RPSA2: variants seen among roughly 807,000 people sequenced by gnomAD.
RPSA2 encodes small ribosomal subunit protein uS2B.
the RPSA2 span, among the ~76,000 whole-genome samples, chr19:23,852,987 G>T: frequency 6.6e-6 from 1 of 152,128 alleles, no homozygotes; most frequent in African/African-American, 2.4e-5. Context: ...TCAATTCTTT[G>T]TCAGTGGGGT....
chr19:23,839,418 T>C, the RPSA2 span, among the ~76,000 whole-genome samples: 1 of 152,098 alleles, frequency 6.6e-6, no homozygotes, highest in Non-Finnish European at 1.5e-5. Flanking sequence ...CTCACTCAGC[T>C]CCAGTGGAAA....
chr19:23,847,465 C>T, the RPSA2 span, among the ~76,000 whole-genome samples: 1 of 152,042 alleles, frequency 6.6e-6, no homozygotes, highest in Middle Eastern at 3.2e-3. Context: ...ATCGGTAGGA[C>T]CATGATGCCC....
At chr19:23,764,080 T>G in the RPSA2 span, among the ~76,000 whole-genome samples, 1 of 152,154 alleles carries the variant, frequency 6.6e-6, no homozygotes, top group African/African-American at 2.4e-5. Context: ...TAGTAATCTA[T>G]AAGATATAAA....
the RPSA2 span, among the ~76,000 whole-genome samples, chr19:23,789,935 T>C: frequency 0.98 from 148,896 of 152,234 alleles, 72,909 homozygotes; most frequent in Middle Eastern, 1. Flanking sequence ...GCCTCAGGCT[T>C]GGAAAGTGCT....
At chr19:23,803,322 G>A in the RPSA2 span, among the ~76,000 whole-genome samples, 2 of 152,060 alleles carry the variant, frequency 1.3e-5, no homozygotes, top group Non-Finnish European at 2.9e-5. Flanking sequence ...CTTTTTTAGG[G>A]TTGGTGCTCA....
At chr19:23,814,459 C>T in the RPSA2 span, among the ~76,000 whole-genome samples, 570 of 152,124 alleles carry the variant, frequency 3.7e-3, 4 homozygotes, top group African/African-American at 0.013. Flanking sequence ...GTTTATCTGT[C>T]TTTTTGTCAG....
the RPSA2 span, among the ~76,000 whole-genome samples, chr19:23,762,169 G>A: frequency 6.7e-6 from 1 of 150,260 alleles, no homozygotes; most frequent in Non-Finnish European, 1.5e-5. Context: ...GCCCACCTCA[G>A]CCTCCCAAAG....
At chr19:23,851,612 G>A in the RPSA2 span, among the ~76,000 whole-genome samples, 5 of 152,100 alleles carry the variant, frequency 3.3e-5, no homozygotes, top group African/African-American at 1.2e-4. Flanking sequence ...ATATTTAAAG[G>A]TTTGGGGAAA....
the RPSA2 span, among the ~76,000 whole-genome samples, chr19:23,862,529 C>G: frequency 2.6e-5 from 4 of 151,826 alleles, no homozygotes; most frequent in African/African-American, 9.7e-5. Flanking sequence ...ATAGATAGCT[C>G]TTATTATTTT....
chr19:23,856,375 A>G, the RPSA2 span, among the ~76,000 whole-genome samples: 1 of 152,064 alleles, frequency 6.6e-6, no homozygotes, highest in African/African-American at 2.4e-5. Flanking sequence ...GAATAGGGTG[A>G]CCATATTTTC....
the RPSA2 span, among the ~76,000 whole-genome samples, chr19:23,822,829 C>T: frequency 5.5e-3 from 840 of 152,184 alleles, 8 homozygotes; most frequent in African/African-American, 0.02. Context: ...CTATCTCCTC[C>T]GGTGGTTCCT....
At chr19:23,835,026 G>A in the RPSA2 span, among the ~76,000 whole-genome samples, 1 of 152,010 alleles carries the variant, frequency 6.6e-6, no homozygotes, top group Admixed American at 6.5e-5. Flanking sequence ...GAAATGAGAT[G>A]TCCATTACCT....
At chr19:23,848,456 G>T in the RPSA2 span, among the ~76,000 whole-genome samples, 5 of 151,800 alleles carry the variant, frequency 3.3e-5, no homozygotes, top group South Asian at 6.3e-4. Context: ...CTTAATCCAA[G>T]TCATGGGGTT....
chr19:23,790,688 T>G, the RPSA2 span: 1 of 402,396 alleles, frequency 2.5e-6, no homozygotes, highest in South Asian at 2.9e-5. Context: ...TCCTCTGACT[T>G]AGAGTCCCAG....
chr19:23,778,588 T>C, the RPSA2 span, among the ~76,000 whole-genome samples: 4 of 152,032 alleles, frequency 2.6e-5, no homozygotes, highest in African/African-American at 4.8e-5. Flanking sequence ...CTAGATGTTA[T>C]GACTTTCCTC....
the RPSA2 span, among the ~76,000 whole-genome samples, chr19:23,772,627 C>A: frequency 1.3e-5 from 2 of 152,230 alleles, no homozygotes; most frequent in Admixed American, 1.3e-4. Flanking sequence ...AGAGTGTTAT[C>A]CCAGGGCACA....
the RPSA2 span, chr19:23,832,903 G>A: frequency 6.4e-7 from 1 of 1,556,792 alleles, no homozygotes; most frequent in Non-Finnish European, 8.7e-7. Context: ...TGAGGAACGT[G>A]GCAAATCTTT....
At chr19:23,811,955 T>C in the RPSA2 span, among the ~76,000 whole-genome samples, 1 of 152,206 alleles carries the variant, frequency 6.6e-6, no homozygotes, top group Non-Finnish European at 1.5e-5. Context: ...TATGATTGTA[T>C]TTCCTTTTCT....
the RPSA2 span, among the ~76,000 whole-genome samples, chr19:23,870,803 G>C: frequency 1.3e-5 from 2 of 152,296 alleles, no homozygotes; most frequent in African/African-American, 4.8e-5. Flanking sequence ...GAGAGATGTT[G>C]GGATCCAGAA....
Sources: allele counts gnomAD v4.1 joint callset (sites outside exome capture counted in the v4.1 genomes callset), GRCh38; gene constraint gnomAD v4.1.1; transcripts MANE v1.5; gene names NCBI Gene and HGNC (gene_info 2026-07-23, HGNC 2026-07-21).